Variants in PHACTR2 observed in about 807,000 individuals in gnomAD.
PHACTR2 encodes chromosome 6 open reading frame 56.
A neutral mutation model predicts 76.0 loss-of-function variants in PHACTR2; 30 were observed. The ratio of observed to expected loss-of-function variants is 0.39; its 90% CI spans 0.30 to 0.54. The LOEUF is 0.54. Among genes scored for constraint, PHACTR2 ranks in the 20% least tolerant of loss-of-function variants. The pLI is 0.61. For synonymous variants in PHACTR2, 292 were observed against 292.5 expected (o/e 1.00, Z 0.02); for missense variants, 696 against 781.1 (o/e 0.89, Z 1.30).
rs1777808639 is a variant in PHACTR2, at chr6:143,697,899, T to C, written c.47-14117T>C. On this transcript the variant is annotated intron_variant, in intron 1 of 12. Transcript: ENST00000440869. This position sits in a 1 kb window ranked among gnomAD's most constrained non-coding sequence, Gnocchi z 4.4. ...CTCCCTGTCCTCATGGGACTCCTAA[T>C]CTAGTGGTGAGAAGTATTATTTTTT... Among the ~76,000 whole-genome samples, 2 of 152,318 alleles carry C rather than the reference T, an allele frequency of 1.3e-5. No individual in the cohort carries two copies. The highest frequency in any genetic ancestry group is 4.8e-5 in the African/African-American group (2 of 41,566).
chr6:143,729,619 A>C (rs951702313), intron 2 of PHACTR2, among the ~76,000 whole-genome samples: 5 of 152,136 alleles, frequency 3.3e-5, no homozygotes, highest in Admixed American at 6.5e-5. Context: ...TTGCCTTTGT[A>C]CTGTTTTAAA....
Position 143,624,381 on chromosome 6 carries a change from A to G in PHACTR2, c.13+16059A>G, listed in dbSNP as rs1026925361. 1.3e-5 allele frequency among the ~76,000 whole-genome samples: 2 copies of G among 152,196 alleles called. No individual in the cohort carries two copies. Among genetic ancestry groups the G allele is most frequent in the Admixed American group, 6.5e-5 (1 of 15,286 alleles). On this transcript the variant is annotated intron_variant, in intron 1 of 11. Transcript: ENST00000305766. This position sits in a 1 kb window ranked among gnomAD's most constrained non-coding sequence, Gnocchi z 4.6. ...CTTGGCCTCCTAAAGTGCTAGGATT[A>G]CAGGCGTGAGCCACCGTGCCTGGCC...
At chr6:143,606,765 C>G (rs77081770), upstream of PHACTR2, among the ~76,000 whole-genome samples, 946 of 152,124 alleles carry the variant, frequency 6.2e-3, 22 homozygotes, top group East Asian at 0.091. Flanking sequence ...TTCAGTCTTA[C>G]GGGATCCAAG....
At chr6:143,690,323 T>C (rs985875159) in intron 1 of PHACTR2, among the ~76,000 whole-genome samples, 2 of 152,242 alleles carry the variant, frequency 1.3e-5, no homozygotes, top group Admixed American at 1.3e-4. Flanking sequence ...CCAGCTGTTG[T>C]CTTGGGATCT....
rs1230693871 is a variant in PHACTR2, at chr6:143,733,958, C to G, written c.215-15027C>G. ...ATAATTGTGTTAAAACAGATTTCCT[C>G]TATGTGCTCTAAATATAAAGGAGAC... On this transcript the variant is annotated intron_variant, in intron 2 of 12. Transcript: ENST00000440869. The surrounding 1 kb of genome is among the most constrained non-coding windows in gnomAD (Gnocchi z 4.0). Among the ~76,000 whole-genome samples the G allele has an allele frequency of 3.9e-5, 6 of 152,296 alleles. No homozygotes were observed. The East Asian group carries it at 1.2e-3, about 29-fold the overall frequency.
chr6:143,677,236 G>C (rs1777266653), upstream of PHACTR2, among the ~76,000 whole-genome samples: 1 of 151,720 alleles, frequency 6.6e-6, no homozygotes, highest in Non-Finnish European at 1.5e-5. Context: ...TATATATATA[G>C]CATGAAGATT....
In PHACTR2 at chr6:143,589,768, T is replaced by C. The variant is rs1775669077; in HGVS notation, c.217+52561T>C. 6.6e-6 allele frequency among the ~76,000 whole-genome samples: 1 copy of C among 152,134 alleles called. No homozygotes were observed. Among genetic ancestry groups the C allele is most frequent in the African/African-American group, 2.4e-5 (1 of 41,438 alleles). ...TCCTGGAAGCCAGGGCTTCAACATA[T>C]AAATTTAGGGGAGGGGACACAATTC... On this transcript the variant is annotated intron_variant, in intron 1 of 11. Coordinates refer to the PHACTR2 transcript ENST00000367584. This position sits in a 1 kb window ranked among gnomAD's most constrained non-coding sequence, Gnocchi z 4.4.
At chr6:143,721,088 C>T (rs924959873) in intron 2 of PHACTR2, among the ~76,000 whole-genome samples, 5 of 152,214 alleles carry the variant, frequency 3.3e-5, no homozygotes, top group Non-Finnish European at 7.3e-5. Context: ...CACCATCAAA[C>T]CAAAAGTCAG....
In PHACTR2 at chr6:143,581,200, T is replaced by C. The variant is rs921139170; in HGVS notation, c.217+43993T>C. Among the ~76,000 whole-genome samples, 2 of 152,200 alleles carry C rather than the reference T, an allele frequency of 1.3e-5. No individual in the cohort carries two copies. The highest frequency in any genetic ancestry group is 4.8e-5 in the African/African-American group (2 of 41,458). On this transcript the variant is annotated intron_variant, in intron 1 of 11. Transcript: ENST00000367584. The surrounding 1 kb of genome is among the most constrained non-coding windows in gnomAD (Gnocchi z 4.5). ...CTTTACCCTTGTTCTCAAGTCTCCG[T>C]GTGGACAGGGGATGAGGGTTACCTG...
chr6:143,779,587 A>G (rs1361303325), intron 9 of PHACTR2, among the ~76,000 whole-genome samples: 2 of 152,030 alleles, frequency 1.3e-5, no homozygotes, highest in East Asian at 3.9e-4. Flanking sequence ...TGACTTCGTG[A>G]TTCGCCCACC....
intron 1 of PHACTR2, among the ~76,000 whole-genome samples, chr6:143,704,447 G>T (rs1041751465): frequency 6.6e-6 from 1 of 152,042 alleles, no homozygotes; most frequent in Admixed American, 6.6e-5. Flanking sequence ...AGGCACCGAG[G>T]CCCCTTCGAG....
At chr6:143,635,744 T>G (rs1295884891) in intron 1 of PHACTR2, among the ~76,000 whole-genome samples, 1 of 152,264 alleles carries the variant, frequency 6.6e-6, no homozygotes, top group Non-Finnish European at 1.5e-5. Flanking sequence ...CTTGTTGATT[T>G]ATAATGGCTC....
At chr6:143,651,106 T>C (rs1776756739) in intron 1 of PHACTR2, among the ~76,000 whole-genome samples, 2 of 152,024 alleles carry the variant, frequency 1.3e-5, no homozygotes, top group African/African-American at 4.8e-5. Flanking sequence ...ACATCACTGA[T>C]CATTAGAAAA....
In PHACTR2 at chr6:143,646,059, C is replaced by T. The variant is rs9496717; in HGVS notation, c.13+37737C>T. On this transcript the variant is annotated intron_variant, in intron 1 of 11. Transcript: ENST00000305766. This position sits in a 1 kb window ranked among gnomAD's most constrained non-coding sequence, Gnocchi z 4.1. ...AGAAGAATAATTATGCAGAGATAAA[C>T]GTGTCAGAAACAATAGAATACTTTT... 3.8e-3 allele frequency among the ~76,000 whole-genome samples: 578 copies of T among 152,106 alleles called. 5 individuals carry two copies. Among genetic ancestry groups the T allele is most frequent in the African/African-American group, 0.013 (540 of 41,520 alleles).
rs997714747 is a variant in PHACTR2, at chr6:143,554,155, G to T, written c.217+16948G>T. Among the ~76,000 whole-genome samples the T allele has an allele frequency of 6.6e-6, 1 of 152,192 alleles. No homozygotes were observed. The highest frequency in any genetic ancestry group is 2.1e-4 in the South Asian group (1 of 4,834). Reference sequence around the variant, plus strand: ...CATTCATATCAATATCAACTTAGGAGTGAATCCACAGTATGCAGGGCTATG... The same window carrying T: ...CATTCATATCAATATCAACTTAGGATTGAATCCACAGTATGCAGGGCTATG... On this transcript the variant is annotated intron_variant, in intron 1 of 11. Transcript: ENST00000367584. The surrounding 1 kb of genome is among the most constrained non-coding windows in gnomAD (Gnocchi z 5.9).
intron 1 of PHACTR2, among the ~76,000 whole-genome samples, chr6:143,626,483 GCC>G (rs1776260959): frequency 1.4e-5 from 2 of 145,688 alleles, no homozygotes; most frequent in Non-Finnish European, 3.0e-5. Context: ...CTTGCAGTGA[GCC>G]GAGATTGCGC....
intron 6 of PHACTR2, among the ~76,000 whole-genome samples, chr6:143,768,637 T>C (rs1775016545): frequency 6.6e-6 from 1 of 152,190 alleles, no homozygotes; most frequent in Admixed American, 6.5e-5. Flanking sequence ...ACACACAACA[T>C]ACTAAGGGCT....
rs564449672 is a variant in PHACTR2, at chr6:143,560,829, T to G, written c.217+23622T>G. On this transcript the variant is annotated intron_variant, in intron 1 of 11. Coordinates refer to the PHACTR2 transcript ENST00000367584. ...GAGAGGGCATATAAGGACTTTATTTTGGGAAATAGTGAGGAACTCTGGGGG... is the reference window on the plus strand; with the variant it reads ...GAGAGGGCATATAAGGACTTTATTTGGGGAAATAGTGAGGAACTCTGGGGG... Among the ~76,000 whole-genome samples the G allele has an allele frequency of 5.3e-5, 8 of 151,736 alleles. No homozygotes were observed. The South Asian group carries it at 1.2e-3, about 24-fold the overall frequency.
At position 143,767,679 on chromosome 6, in the gene PHACTR2, G is replaced by T. The variant is rs1489114591; in HGVS notation, c.1232+1881G>T. Reference sequence around the variant, plus strand: ...CTTTCCATGTCATCACATGGTGGAAGGTGGAAGGGCAGAGAGCACAACAGA... The same window carrying T: ...CTTTCCATGTCATCACATGGTGGAATGTGGAAGGGCAGAGAGCACAACAGA... On this transcript the variant is annotated intron_variant, in intron 6 of 12. Transcript: ENST00000440869. The surrounding 1 kb of genome is among the most constrained non-coding windows in gnomAD (Gnocchi z 4.4). 6.6e-6 allele frequency among the ~76,000 whole-genome samples: 1 copy of T among 152,162 alleles called. No homozygotes were observed. Among genetic ancestry groups the T allele is most frequent in the East Asian group, 1.9e-4 (1 of 5,200 alleles).
Sources: gnomAD v4.1 joint callset for allele counts (sites outside exome capture counted in the v4.1 genomes callset) on GRCh38, gnomAD v4.1.1 for gene constraint, Gnocchi (gnomAD v3.1) non-coding constraint, MANE v1.5 for transcripts, NCBI Gene and HGNC (gene_info 2026-07-23, HGNC 2026-07-21) for gene names.